Variants in ME3 observed in about 807,000 individuals in gnomAD.
ME3 encodes NADP-dependent malic enzyme, mitochondrial.
A neutral mutation model predicts 68.9 loss-of-function variants in ME3; 48 were observed. The ratio of observed to expected loss-of-function variants is 0.70; its 90% CI spans 0.55 to 0.89. ME3 has a LOEUF of 0.89. Among genes scored for constraint, ME3 ranks in the 40% least tolerant of loss-of-function variants. The pLI, the probability that ME3 is intolerant of heterozygous loss-of-function variation, is 0.00. For missense variants in ME3, 675 were observed against 797.4 expected, an observed-to-expected ratio of 0.85 and a Z score of 1.85; for synonymous variants, 320 against 318.8, an observed-to-expected ratio of 1.00 and a Z score of -0.04.
At chr11:86,475,988 G>A (rs1349126084) in intron 7 of ME3, among the ~76,000 whole-genome samples, 1 of 151,568 alleles carries the variant, frequency 6.6e-6, no homozygotes, top group African/African-American at 2.4e-5. Flanking sequence ...TTGCAATCGG[G>A]GCTTAGACCT....
chr11:86,671,863 T>G, exon 2 of ME3: 4 of 1,578,854 alleles, frequency 2.5e-6, no homozygotes, highest in Non-Finnish European at 3.4e-6. Context: ...GCGGGCGCGG[T>G]GGGTGTCCAG....
intron 7 of ME3, among the ~76,000 whole-genome samples, chr11:86,481,602 C>A (rs1395954916): frequency 1.3e-5 from 2 of 151,952 alleles, no homozygotes; most frequent in Non-Finnish European, 2.9e-5. Context: ...TGGAGTGTAC[C>A]CAAGAGAGCA....
At chr11:86,515,650 A>T (rs1953845535) in intron 4 of ME3, among the ~76,000 whole-genome samples, 1 of 152,170 alleles carries the variant, frequency 6.6e-6, no homozygotes, top group African/African-American at 2.4e-5. Context: ...GTAAGTCTGA[A>T]GGGGGTGCTA....
chr11:86,549,530 C>G (rs1245129457), intron 4 of ME3, among the ~76,000 whole-genome samples: 2 of 152,190 alleles, frequency 1.3e-5, no homozygotes, highest in Non-Finnish European at 2.9e-5. Context: ...ATTTCAAATT[C>G]CTGAAAAGGA....
intron 2 of ME3, among the ~76,000 whole-genome samples, chr11:86,633,501 A>G (rs1424024942): frequency 6.6e-6 from 1 of 152,232 alleles, no homozygotes; most frequent in African/African-American, 2.4e-5. Context: ...ACATTAAAAT[A>G]GCTGGAAAGT....
chr11:86,651,845 G>A (rs1251028540), intron 2 of ME3, among the ~76,000 whole-genome samples: 1 of 152,104 alleles, frequency 6.6e-6, no homozygotes, highest in Non-Finnish European at 1.5e-5. Context: ...TAAAAACCTT[G>A]AAAAAAGATT....
chr11:86,596,446 A>G (rs1959467534), intron 2 of ME3, among the ~76,000 whole-genome samples: 1 of 152,224 alleles, frequency 6.6e-6, no homozygotes, highest in Admixed American at 6.5e-5. Context: ...TACAGGTTTC[A>G]GGCTTTTTCA....
At chr11:86,522,300 C>A (rs1954378939) in intron 4 of ME3, among the ~76,000 whole-genome samples, 2 of 148,668 alleles carry the variant, frequency 1.3e-5, no homozygotes, top group African/African-American at 4.9e-5. Flanking sequence ...AAAAAAAGGC[C>A]AATTAAAAAA....
chr11:86,473,739 C>T (rs1285048562), intron 7 of ME3, among the ~76,000 whole-genome samples: 2 of 151,784 alleles, frequency 1.3e-5, no homozygotes, highest in Non-Finnish European at 2.9e-5. Flanking sequence ...TCATGTTTTG[C>T]GGAAGGATTC....
chr11:86,619,696 G>A (rs1468637249), intron 2 of ME3, among the ~76,000 whole-genome samples: 1 of 152,208 alleles, frequency 6.6e-6, no homozygotes, highest in Non-Finnish European at 1.5e-5. Context: ...CCCCAGCCAC[G>A]TGGAACTGTG....
chr11:86,491,397 A>G (rs751203979), intron 6 of ME3, among the ~76,000 whole-genome samples: 27 of 152,346 alleles, frequency 1.8e-4, no homozygotes, highest in South Asian at 6.2e-4. Context: ...GAGGAGGTCA[A>G]TTGTGGCTGG....
intron 7 of ME3, among the ~76,000 whole-genome samples, chr11:86,478,562 A>G (rs546209471): frequency 2.2e-4 from 33 of 152,260 alleles, no homozygotes; most frequent in African/African-American, 7.2e-4. Context: ...CATCTTGTCA[A>G]TTTTAATACA....
At chr11:86,595,478 C>G (rs1275358670) in intron 2 of ME3, among the ~76,000 whole-genome samples, 2 of 116,926 alleles carry the variant, frequency 1.7e-5, no homozygotes, top group Non-Finnish European at 3.5e-5. Context: ...AGGATCTGAT[C>G]CCAATTAGTC....
At chr11:86,437,440 A>T (rs974096556), downstream of ME3, among the ~76,000 whole-genome samples, 3 of 151,820 alleles carry the variant, frequency 2.0e-5, no homozygotes, top group African/African-American at 2.4e-5. Context: ...AATTTTTTTG[A>T]CTCTTTGAGA....
intron 3 of ME3, among the ~76,000 whole-genome samples, chr11:86,558,439 G>A (rs1395055952): frequency 2.0e-5 from 3 of 152,098 alleles, no homozygotes; most frequent in Non-Finnish European, 2.9e-5. Flanking sequence ...AACATCCTTC[G>A]AGTTTAGAGC....
At chr11:86,622,991 C>T in intron 2 of ME3, 1 of 152,186 alleles carries the variant, frequency 6.6e-6, no homozygotes, top group South Asian at 2.1e-4. Flanking sequence ...AGTTAACACG[C>T]CTGTAAAATG....
chr11:86,665,995 G>C (rs985959416), intron 2 of ME3, among the ~76,000 whole-genome samples: 4 of 152,134 alleles, frequency 2.6e-5, no homozygotes, highest in African/African-American at 9.7e-5. Flanking sequence ...TGGGGATATA[G>C]AGAAACAGAT....
chr11:86,524,401 T>C (rs1005390539), intron 4 of ME3, among the ~76,000 whole-genome samples: 1 of 152,232 alleles, frequency 6.6e-6, no homozygotes, highest in African/African-American at 2.4e-5. Flanking sequence ...GTTTGAGAAG[T>C]AGTCACACAT....
chr11:86,612,057 C>T (rs1942621570), intron 2 of ME3, among the ~76,000 whole-genome samples: 1 of 152,064 alleles, frequency 6.6e-6, no homozygotes, highest in African/African-American at 2.4e-5. Flanking sequence ...TCTAAGTTAC[C>T]TTCCCTTGCC....
Sources: gnomAD v4.1 joint callset for allele counts (sites outside exome capture counted in the v4.1 genomes callset) on GRCh38, gnomAD v4.1.1 for gene constraint, MANE v1.5 for transcripts, NCBI Gene and HGNC (gene_info 2026-07-23, HGNC 2026-07-21) for gene names.